Variants in OSBPL3 observed in about 807,000 individuals in gnomAD.
OSBPL3 encodes the protein oxysterol-binding protein-related protein 3.
A neutral mutation model predicts 120.1 loss-of-function variants in OSBPL3; 65 were observed. The observed-to-expected ratio is 0.54, with a 90% CI of 0.44 to 0.67. The LOEUF (loss-of-function observed/expected upper bound fraction) is 0.67, where lower values mean the gene tolerates loss of function less well. Ranked by LOEUF, OSBPL3 falls within the 30% of genes least tolerant of loss-of-function variation. The pLI is 0.00. For synonymous variants in OSBPL3, 416 were observed against 402.6 expected (o/e 1.03, Z -0.40); for missense variants, 1,004 against 1,082.1 (o/e 0.93, Z 1.01).
In OSBPL3 at chr7:24,967,264, G is replaced by T. The variant is rs192968243; in HGVS notation, c.-150+12622C>A. Among the ~76,000 whole-genome samples the T allele has an allele frequency of 3.6e-3, 542 of 152,270 alleles. 3 individuals are homozygous for T. Among genetic ancestry groups the T allele is most frequent in the African/African-American group, 0.013 (522 of 41,538 alleles). ...TCAAAACATTCTGTGGCTCTCCAATGGCCAGAGGATGAAGTAGCCATGCAC... is the reference window on the plus strand; with the variant it reads ...TCAAAACATTCTGTGGCTCTCCAATTGCCAGAGGATGAAGTAGCCATGCAC... On this transcript the variant is annotated intron_variant, in intron 1 of 22. Coordinates refer to ENST00000313367, the MANE Select transcript of OSBPL3 (RefSeq NM_015550.4). The surrounding 1 kb of genome is among the most constrained non-coding windows in gnomAD (Gnocchi z 5.6).
chr7:24,926,794 G>A (rs990423885), intron 1 of OSBPL3, among the ~76,000 whole-genome samples: 2 of 152,162 alleles, frequency 1.3e-5, no homozygotes, highest in Admixed American at 6.5e-5. Flanking sequence ...TACCTGAACT[G>A]TAAGCTCCTG....
In OSBPL3 at chr7:24,845,481, T is replaced by C. The variant is rs1046214200; in HGVS notation, c.1267-3068A>G. Among the ~76,000 whole-genome samples, 4 of 149,864 alleles carry C rather than the reference T, an allele frequency of 2.7e-5. No homozygotes were observed. The South Asian group carries it at 6.3e-4, about 24-fold the overall frequency. ...TGTGTATGTGTGTGTGTGTGAATTATGGCCTTTTTCCATTTACTTGTTAAA... is the reference window on the plus strand; with the variant it reads ...TGTGTATGTGTGTGTGTGTGAATTACGGCCTTTTTCCATTTACTTGTTAAA... On this transcript the variant is annotated intron_variant, in intron 12 of 22. Transcript: ENST00000313367.
chr7:24,966,743 T>C lies in OSBPL3; in HGVS notation c.-150+13143A>G, dbSNP rs191008925. On this transcript the variant is annotated intron_variant, in intron 1 of 22. Coordinates refer to ENST00000313367, the MANE Select transcript of OSBPL3 (RefSeq NM_015550.4). The surrounding 1 kb of genome is among the most constrained non-coding windows in gnomAD (Gnocchi z 4.8). Reference sequence around the variant, plus strand: ...GAGTTTTACACTATGTTTGTGTATATGTATGTTTATAAGGTAAAAGAACTG... The same window carrying C: ...GAGTTTTACACTATGTTTGTGTATACGTATGTTTATAAGGTAAAAGAACTG... 2.6e-5 allele frequency among the ~76,000 whole-genome samples: 4 copies of C among 152,352 alleles called. No homozygotes were observed. Among genetic ancestry groups the C allele is most frequent in the Admixed American group, 1.3e-4 (2 of 15,304 alleles).
At chr7:24,825,471 C>G (rs891107232) in intron 16 of OSBPL3, among the ~76,000 whole-genome samples, 1 of 152,144 alleles carries the variant, frequency 6.6e-6, no homozygotes, top group African/African-American at 2.4e-5. Flanking sequence ...CACATGGCCT[C>G]TTGCAAAAAA....
rs913281776 is a variant in OSBPL3 at position 24,817,225 on chromosome 7, T to C, written c.1949-537A>G. On this transcript the variant is annotated intron_variant, in intron 17 of 22. Coordinates refer to ENST00000313367, the MANE Select transcript of OSBPL3 (RefSeq NM_015550.4). The surrounding 1 kb of genome is among the most constrained non-coding windows in gnomAD (Gnocchi z 4.0). Reference sequence around the variant, plus strand: ...TCTTATCTAGAGAAGAGTAGAAAGGTTGAGAACAAAACCAGGTGCAGTGGC... The same window carrying C: ...TCTTATCTAGAGAAGAGTAGAAAGGCTGAGAACAAAACCAGGTGCAGTGGC... Among the ~76,000 whole-genome samples the C allele has an allele frequency of 6.6e-6, 1 of 152,076 alleles. No homozygotes were observed. Among genetic ancestry groups the C allele is most frequent in the Non-Finnish European group, 1.5e-5 (1 of 68,004 alleles).
At chr7:24,816,959 T>C (rs1015054388) in intron 17 of OSBPL3, among the ~76,000 whole-genome samples, 3 of 152,174 alleles carry the variant, frequency 2.0e-5, no homozygotes, top group African/African-American at 7.2e-5. Context: ...GCCCAGGCTA[T>C]AACTGAGTGT....
intron 1 of OSBPL3, among the ~76,000 whole-genome samples, chr7:24,904,093 G>A (rs1253671285): frequency 6.6e-6 from 1 of 152,010 alleles, no homozygotes; most frequent in Non-Finnish European, 1.5e-5. Context: ...ATGTTGGCCA[G>A]GCTGGTCTCA....
Position 24,930,717 on chromosome 7 carries a change from G to A in OSBPL3, c.-149-38096C>T, listed in dbSNP as rs1220952171. Reference sequence around the variant, plus strand: ...CCAGTCTTTCCAGAAATGATTATATGGTTTTGCACAGTCCCAAAGGGTCTG... The same window carrying A: ...CCAGTCTTTCCAGAAATGATTATATAGTTTTGCACAGTCCCAAAGGGTCTG... On this transcript the variant is annotated intron_variant, in intron 1 of 22. Coordinates refer to ENST00000313367, the MANE Select transcript of OSBPL3 (RefSeq NM_015550.4). This position sits in a 1 kb window ranked among gnomAD's most constrained non-coding sequence, Gnocchi z 4.4. Among the ~76,000 whole-genome samples, 1 of 152,114 alleles carries A rather than the reference G, an allele frequency of 6.6e-6. No individual in the cohort carries two copies. The highest frequency in any genetic ancestry group is 1.5e-5 in the Non-Finnish European group (1 of 68,016).
intron 1 of OSBPL3, among the ~76,000 whole-genome samples, chr7:24,960,190 A>T (rs1269606467): frequency 1.3e-5 from 2 of 152,166 alleles, no homozygotes; most frequent in Non-Finnish European, 2.9e-5. Flanking sequence ...CCACAGGAGG[A>T]GTAATCAATG....
intron 16 of OSBPL3, among the ~76,000 whole-genome samples, chr7:24,829,858 C>T (rs1483923549): frequency 2.0e-5 from 3 of 152,026 alleles, no homozygotes; most frequent in Non-Finnish European, 4.4e-5. Context: ...CCCAACACTC[C>T]ACCATTATAA....
rs373656605 is a variant in OSBPL3 at position 24,807,425 on chromosome 7, G to A, written c.2318-523C>T. 1.4e-4 allele frequency among the ~76,000 whole-genome samples: 22 copies of A among 152,172 alleles called. No homozygotes were observed. The East Asian group carries it at 2.3e-3, about 16-fold the overall frequency. On this transcript the variant is annotated intron_variant, in intron 20 of 22. Transcript: ENST00000313367. Reference sequence around the variant, plus strand: ...GGAGAGTGACTTGAACCTGGGAGGCGGAGGTTGCAGTGAGCCAAGATCACG... The same window carrying A: ...GGAGAGTGACTTGAACCTGGGAGGCAGAGGTTGCAGTGAGCCAAGATCACG...
chr7:24,917,390 TATATTTGTAAC>T (rs1438886117), intron 1 of OSBPL3, among the ~76,000 whole-genome samples: 1 of 119,910 alleles, frequency 8.3e-6, no homozygotes, highest in African/African-American at 3.4e-5. Context: ...AACATATATA[TATATTTGTAAC>T]ATATATATAT....
chr7:24,816,486 C>A (rs998872776), intron 18 of OSBPL3, 124 bp downstream of exon 18: 7 of 692,636 alleles, frequency 1.0e-5, no homozygotes, highest in East Asian at 5.0e-5. Context: ...TACTGTCAGA[C>A]AGATTAAAAG....
At position 24,831,027 on chromosome 7, in the gene OSBPL3, G is replaced by A. The variant is rs1292878768; in HGVS notation, c.1747-122C>T. The stretch of plus-strand genomic sequence containing the variant: ...TCAGAAAGCCAAAGATTTGTCTTTG[G>A]TTGTTTTTAAACAACATAGGTTTAA... On this transcript the variant is annotated intron_variant, in intron 15 of 22. Coordinates refer to ENST00000313367, the MANE Select transcript of OSBPL3 (RefSeq NM_015550.4). The surrounding 1 kb of genome is among the most constrained non-coding windows in gnomAD (Gnocchi z 4.0). The A allele has an allele frequency of 2.9e-6, 3 of 1,027,880 alleles. No individual in the cohort carries two copies. The highest frequency in any genetic ancestry group is 4.0e-6 in the Non-Finnish European group (3 of 744,684). 63.7% of individuals were successfully genotyped at this position (1,027,880 alleles called of 1,614,324 possible).
At chr7:24,882,840 C>T in intron 2 of OSBPL3, among the ~76,000 whole-genome samples, 1 of 152,084 alleles carries the variant, frequency 6.6e-6, no homozygotes, top group East Asian at 1.9e-4. Flanking sequence ...AACATTTTTT[C>T]ATATACTTGT....
At chr7:24,884,556 C>A (rs114842096) in intron 2 of OSBPL3, among the ~76,000 whole-genome samples, 1 of 152,174 alleles carries the variant, frequency 6.6e-6, no homozygotes, top group African/African-American at 2.4e-5. Context: ...TGCCACCCAC[C>A]TCCCAGCTGA....
Position 24,852,497 on chromosome 7 carries a change from A to G in OSBPL3, c.1158+7T>C. ...CAGGCATTCCTGGAGGCAGACATGT[A>G]ACTTACGGATGACAGGGCGTTCTTC... is the stretch of plus-strand genomic sequence containing the variant. On this transcript the variant is annotated splice_region_variant and intron_variant, in intron 11 of 22. Transcript: ENST00000313367. The surrounding 1 kb of genome is among the most constrained non-coding windows in gnomAD (Gnocchi z 4.1). 1 of 1,561,248 alleles carries G rather than the reference A, an allele frequency of 6.4e-7. No individual in the cohort carries two copies. Among genetic ancestry groups the G allele is most frequent in the Non-Finnish European group, 8.6e-7 (1 of 1,160,558 alleles).
In OSBPL3 at chr7:24,849,705, G is replaced by A. The variant is rs1433096781; in HGVS notation, c.1159-529C>T. ...AAGGTGGCTCACACCTGTAATTCCA[G>A]CACTTTGGGAGGTGGAGGCGGGCAG... On this transcript the variant is annotated intron_variant, in intron 11 of 22. Coordinates refer to ENST00000313367, the MANE Select transcript of OSBPL3 (RefSeq NM_015550.4). The surrounding 1 kb of genome is among the most constrained non-coding windows in gnomAD (Gnocchi z 5.4). Among the ~76,000 whole-genome samples the A allele has an allele frequency of 2.0e-5, 3 of 152,160 alleles. No individual in the cohort carries two copies. The highest frequency in any genetic ancestry group is 7.2e-5 in the African/African-American group (3 of 41,432).
At chr7:24,934,218 C>A (rs1190382309) in intron 1 of OSBPL3, among the ~76,000 whole-genome samples, 1 of 152,208 alleles carries the variant, frequency 6.6e-6, no homozygotes, top group Non-Finnish European at 1.5e-5. Flanking sequence ...ATGTTCAACA[C>A]TGATCTTATT....
Sources: allele counts gnomAD v4.1 joint callset (sites outside exome capture counted in the v4.1 genomes callset), GRCh38; gene constraint gnomAD v4.1.1; non-coding constraint Gnocchi (gnomAD v3.1); transcripts MANE v1.5; gene names NCBI Gene and HGNC (gene_info 2026-07-23, HGNC 2026-07-21).